PCYT1B: variants seen among roughly 807,000 people sequenced by gnomAD.
PCYT1B encodes choline-phosphate cytidylyltransferase B.
PCYT1B carries 10 observed loss-of-function variants against 26.4 expected under a neutral mutation model. The ratio of observed to expected loss-of-function variants is 0.38; its 90% CI spans 0.23 to 0.64. PCYT1B has a LOEUF of 0.64. Among genes scored for constraint, PCYT1B ranks in the 30% least tolerant of loss-of-function variants. The pLI is 0.56. For missense variants in PCYT1B, 161 were observed against 292.7 expected, an observed-to-expected ratio of 0.55 and a Z score of 3.28; for synonymous variants, 131 against 108.4, an observed-to-expected ratio of 1.21 and a Z score of -1.29.
chrX:24,598,724 T>C (rs2148240622), intron 3 of PCYT1B, among the ~76,000 whole-genome samples: 1 of 112,353 alleles, frequency 8.9e-6, no homozygotes, highest in East Asian at 2.8e-4. Context: ...ACATAATCCA[T>C]TCTATCATTT....
chrX:24,588,536 T>C (rs1466259880), intron 4 of PCYT1B, among the ~76,000 whole-genome samples: 1 of 111,721 alleles, frequency 9.0e-6, no homozygotes, highest in Non-Finnish European at 1.9e-5. Flanking sequence ...AGTTAAATAC[T>C]TGAGAGGTAG....
Position 24,579,223 on chromosome X carries a change from T to C in PCYT1B, c.708+93A>G, listed in dbSNP as rs1349606889. 7 of 793,248 alleles carry C rather than the reference T, an allele frequency of 8.8e-6. No individual in the cohort carries two copies. In the African/African-American group the frequency reaches 1.1e-4, roughly 12 times the overall value. 65.4% of individuals were successfully genotyped at this position (793,248 alleles called of 1,213,427 possible). A position where few individuals can be genotyped will look rare whatever the true frequency, so the allele number is the denominator to read the frequency against. ...AAAGAGAGAGAGAGAGGGAGAACAC[T>C]GCATAGCACTTAGTAAGTGCTCAAT... is the stretch of plus-strand genomic sequence containing the variant. On this transcript the variant is annotated intron_variant, in intron 6 of 7. Transcript: ENST00000379144.
upstream of PCYT1B, among the ~76,000 whole-genome samples, chrX:24,649,552 C>T (rs746794823): frequency 5.4e-5 from 6 of 112,000 alleles, no homozygotes; most frequent in Admixed American, 3.8e-4. Flanking sequence ...ACTGAGCCAC[C>T]CCTTGGTTCC....
chrX:24,652,024 G>A (rs138323693), upstream of PCYT1B, among the ~76,000 whole-genome samples: 2 of 111,397 alleles, frequency 1.8e-5, no homozygotes, highest in African/African-American at 3.3e-5. Flanking sequence ...CCAGTTAGCA[G>A]AGGCAGAGGA....
At chrX:24,658,110 T>A (rs1027871005) in intron 1 of PCYT1B, 2 of 111,877 alleles carry the variant, frequency 1.8e-5, no homozygotes, top group African/African-American at 3.2e-5. Flanking sequence ...CTGCATATGA[T>A]ACAAATGAGC....
chrX:24,639,130 G>T (rs1160630914), intron 1 of PCYT1B, among the ~76,000 whole-genome samples: 2 of 112,393 alleles, frequency 1.8e-5, no homozygotes, highest in African/African-American at 3.2e-5. Flanking sequence ...ACCAACAGGG[G>T]GTGAGGAATG....
intron 7 of PCYT1B, among the ~76,000 whole-genome samples, chrX:24,570,385 C>T (rs1037543961): frequency 9.3e-5 from 10 of 107,490 alleles, no homozygotes; most frequent in African/African-American, 3.4e-4. Context: ...TCCCGAGTAG[C>T]TGGGATTACA....
At chrX:24,593,586 G>A (rs1471513144) in intron 3 of PCYT1B, among the ~76,000 whole-genome samples, 2 of 106,711 alleles carry the variant, frequency 1.9e-5, no homozygotes, top group Non-Finnish European at 3.8e-5. Context: ...GAGTGCAATG[G>A]CGCGATCTCA....
chrX:24,564,057 C>G (rs956553997), intron 7 of PCYT1B, among the ~76,000 whole-genome samples: 14 of 110,601 alleles, frequency 1.3e-4, no homozygotes, highest in African/African-American at 4.6e-4. Context: ...TGGTGGGCAC[C>G]TGTAATCCAA....
rs60562762 is a variant in PCYT1B, at chrX:24,669,501, G to GA, written c.63+3068dup. 8.7e-3 allele frequency among the ~76,000 whole-genome samples: 274 copies of GA among 31,549 alleles called. 26 individuals carry two copies. Among genetic ancestry groups the GA allele is most frequent in the Non-Finnish European group, 9.2e-3 (180 of 19,496 alleles). 27.4% of individuals were successfully genotyped at this position (31,549 alleles called of 115,157 possible). A position where few individuals can be genotyped will look rare whatever the true frequency, so the allele number is the denominator to read the frequency against. On this transcript the variant is annotated intron_variant, in intron 1 of 7. Coordinates refer to the PCYT1B transcript ENST00000379145. ...GGTGACAGAGTGAGACTTCGTCTCA[G>GA]AAAAAAAAAAAAAAAAAAAAAAAAA...
At position 24,647,041 on chromosome X, in the gene PCYT1B, G is replaced by T; in HGVS notation, c.65C>A (p.Pro22His). 8.3e-7 allele frequency: 1 copy of T among 1,210,958 alleles called. No individual in the cohort carries two copies. The change falls in exon 1 of 8, where the codon CCT becomes CAT. Residue 22 changes from proline (P) to histidine (H), a missense_variant. Pro to His is a moderately conservative substitution (Grantham distance 77). Coordinates refer to ENST00000379144, the MANE Select transcript of PCYT1B (RefSeq NM_004845.5). Reference sequence around the variant, plus strand: ...TATTTCCTCCATGGTTTCTGAGGGAGGCTCATTGGAAAGGGATTTTGGGAT... The same window carrying T: ...TATTTCCTCCATGGTTTCTGAGGGATGCTCATTGGAAAGGGATTTTGGGAT... ...TGIPKSLSNE[P>H]PSETMEEIEH... is the part of the protein sequence containing the mutation.
intron 3 of PCYT1B, among the ~76,000 whole-genome samples, chrX:24,597,793 C>A (rs959024810): frequency 1.8e-5 from 2 of 112,264 alleles, no homozygotes; most frequent in African/African-American, 3.2e-5. Context: ...TTTTGCCCAA[C>A]AACTTTGCCT....
At chrX:24,565,544 A>G (rs1024062082) in intron 7 of PCYT1B, among the ~76,000 whole-genome samples, 1 of 110,205 alleles carries the variant, frequency 9.1e-6, no homozygotes, top group Non-Finnish European at 1.9e-5. Flanking sequence ...TACTAAGTCT[A>G]AGTTGCTTAG....
At chrX:24,566,711 C>T (rs375087224) in intron 7 of PCYT1B, among the ~76,000 whole-genome samples, 4 of 111,511 alleles carry the variant, frequency 3.6e-5, no homozygotes, top group Admixed American at 9.6e-5. Flanking sequence ...AGGCCACAGG[C>T]GCATCACCAA....
chrX:24,635,067 C>G (rs983506292), intron 1 of PCYT1B, among the ~76,000 whole-genome samples: 1 of 112,006 alleles, frequency 8.9e-6, no homozygotes, highest in South Asian at 3.7e-4. Flanking sequence ...AATGAAGCAT[C>G]CAGAACATGA....
In PCYT1B at chrX:24,647,263, T is replaced by A. The variant is rs1926659721; in HGVS notation, c.-158A>T. On this transcript the variant is annotated 5_prime_UTR_variant, in exon 1 of 8. Coordinates refer to ENST00000379144, the MANE Select transcript of PCYT1B (RefSeq NM_004845.5). Reference sequence around the variant, plus strand: ...TCTTCCCTAGGGGAAGTAAAGAGGTTACCCCCCGCCCCTCTCTCTCTCTCT... The same window carrying A: ...TCTTCCCTAGGGGAAGTAAAGAGGTAACCCCCCGCCCCTCTCTCTCTCTCT... The A allele has an allele frequency of 4.3e-6, 4 of 921,891 alleles. No individual in the cohort carries two copies. The highest frequency in any genetic ancestry group is 5.5e-6 in the Non-Finnish European group (4 of 733,129). The allele number at this position is 921,891 out of a possible 1,213,427, so 76.0% of individuals were successfully genotyped here.
At chrX:24,595,859 C>T (rs1411908762) in intron 3 of PCYT1B, among the ~76,000 whole-genome samples, 6 of 97,620 alleles carry the variant, frequency 6.1e-5, no homozygotes, top group African/African-American at 2.0e-4. Context: ...TCAGTCTGGG[C>T]GAGAGAGTGA....
Position 24,558,708 on chromosome X carries a change from T to C in PCYT1B, c.*3585A>G, listed in dbSNP as rs1923254608. 9.3e-6 allele frequency: 1 copy of C among 107,888 alleles called. No individual in the cohort carries two copies. The highest frequency in any genetic ancestry group is 3.4e-5 in the African/African-American group (1 of 29,584). The allele number at this position is 107,888 out of a possible 1,213,427, so 8.9% of individuals were successfully genotyped here. The stretch of plus-strand genomic sequence containing the variant: ...CAGACCAGGTTAGAAGCCAGGCCAA[T>C]GTCTCACGTCCTGCTCCTCTTGAGC... On this transcript the variant is annotated 3_prime_UTR_variant, in exon 8 of 8. Transcript: ENST00000379144.
chrX:24,620,678 G>T (rs1466797045), intron 1 of PCYT1B, among the ~76,000 whole-genome samples: 2 of 112,097 alleles, frequency 1.8e-5, no homozygotes, highest in African/African-American at 6.5e-5. Context: ...CTGGTTGAAA[G>T]GAACTGACAC....
Sources: allele counts gnomAD v4.1 joint callset (sites outside exome capture counted in the v4.1 genomes callset), GRCh38; gene constraint gnomAD v4.1.1; transcripts MANE v1.5; gene names NCBI Gene and HGNC (gene_info 2026-07-23, HGNC 2026-07-21).